Variants in LMO1 observed in about 807,000 individuals in gnomAD.
LMO1 encodes the protein LIM domain only 1.
LMO1 carries 10 observed loss-of-function variants against 18.0 expected under a neutral mutation model. The ratio of observed to expected loss-of-function variants is 0.55; its 90% confidence interval spans 0.34 to 0.94. The LOEUF (loss-of-function observed/expected upper bound fraction) is 0.94, where lower values mean the gene tolerates loss of function less well. Among genes scored for constraint, LMO1 ranks in the 40% least tolerant of loss-of-function variants. The pLI is 0.02. For synonymous variants in LMO1, 77 were observed against 77.9 expected, an observed-to-expected ratio of 0.99 and a Z score of 0.06; for missense variants, 183 against 205.7, an observed-to-expected ratio of 0.89 and a Z score of 0.68.
chr11:8,253,008 C>T (rs1237069301), intron 1 of LMO1, among the ~76,000 whole-genome samples: 1 of 152,248 alleles, frequency 6.6e-6, no homozygotes, highest in Non-Finnish European at 1.5e-5. Flanking sequence ...AGAGGGGGCC[C>T]TGCAGACAGC....
chr11:8,252,484 T>G (rs1847018512), intron 1 of LMO1, among the ~76,000 whole-genome samples: 2 of 152,228 alleles, frequency 1.3e-5, no homozygotes, highest in Non-Finnish European at 2.9e-5. Context: ...CTGCCCCACT[T>G]CCTTGAGTGT....
At chr11:8,262,440 G>C (rs570904238) in intron 1 of LMO1, among the ~76,000 whole-genome samples, 2 of 152,178 alleles carry the variant, frequency 1.3e-5, no homozygotes, top group Admixed American at 6.5e-5. Context: ...CCCCAAGGGG[G>C]CTGGGATCCC....
At chr11:8,264,215 T>C (rs1163999193), upstream of LMO1, among the ~76,000 whole-genome samples, 1 of 92,350 alleles carries the variant, frequency 1.1e-5, no homozygotes, top group Non-Finnish European at 2.2e-5. Flanking sequence ...GTTAACCCTC[T>C]TCAGGGCACA....
intron 1 of LMO1, among the ~76,000 whole-genome samples, chr11:8,244,756 CA>C (rs1394516267): frequency 6.6e-6 from 1 of 152,242 alleles, no homozygotes; most frequent in Admixed American, 6.5e-5. Flanking sequence ...AGGCTGTCCA[CA>C]AACTCCCAAC....
At chr11:8,230,870 A>G (rs1952646083) in intron 1 of LMO1, among the ~76,000 whole-genome samples, 1 of 152,162 alleles carries the variant, frequency 6.6e-6, no homozygotes, top group Admixed American at 6.5e-5. Flanking sequence ...CCACCATCAC[A>G]TTGGCTCTTT....
At chr11:8,236,132 G>A (rs1269531035) in intron 1 of LMO1, among the ~76,000 whole-genome samples, 1 of 152,084 alleles carries the variant, frequency 6.6e-6, no homozygotes, top group Non-Finnish European at 1.5e-5. Context: ...CTCAGAGGGT[G>A]ACAGCTCCAG....
At chr11:8,254,699 C>T (rs1291008840) in intron 1 of LMO1, among the ~76,000 whole-genome samples, 1 of 151,586 alleles carries the variant, frequency 6.6e-6, no homozygotes, top group Non-Finnish European at 1.5e-5. Flanking sequence ...CAACCTTCCT[C>T]CCTCCCCAAG....
At chr11:8,258,477 T>C (rs193170583) in intron 1 of LMO1, among the ~76,000 whole-genome samples, 215 of 152,336 alleles carry the variant, frequency 1.4e-3, no homozygotes, top group African/African-American at 5.0e-3. Context: ...AGCTTCGCCC[T>C]GGGCCATGGC....
At chr11:8,245,791 A>G (rs1234465297) in intron 1 of LMO1, among the ~76,000 whole-genome samples, 1 of 152,232 alleles carries the variant, frequency 6.6e-6, no homozygotes, top group African/African-American at 2.4e-5. Context: ...CTATAAAGAC[A>G]TAGCTGAGGC....
rs73415207 is a variant in LMO1 at position 8,228,180 on chromosome 11, C to A, written c.240-1080G>T. ...ATGCCTCTTTGAGGCAGGCACCCCT[C>A]CTCTTAGCTGCTGGCTGTAAAGCTC... On this transcript the variant is annotated intron_variant, in intron 2 of 3. Transcript: ENST00000335790. Among the ~76,000 whole-genome samples the A allele has an allele frequency of 2.2e-3, 339 of 152,358 alleles. 1 individual carries two copies. The highest frequency in any genetic ancestry group is 7.9e-3 in the African/African-American group (328 of 41,584).
intron 1 of LMO1, among the ~76,000 whole-genome samples, chr11:8,242,226 A>G (rs993165688): frequency 1.3e-5 from 2 of 151,878 alleles, no homozygotes; most frequent in Non-Finnish European, 2.9e-5. Flanking sequence ...GCAAATATAA[A>G]CCCTTTATCC....
At chr11:8,229,139 C>T (rs1373606495) in intron 2 of LMO1, among the ~76,000 whole-genome samples, 3 of 151,996 alleles carry the variant, frequency 2.0e-5, no homozygotes, top group Non-Finnish European at 2.9e-5. Flanking sequence ...GTGCCTGCCT[C>T]GGCCTCCCAA....
chr11:8,230,467 C>G lies in LMO1; in HGVS notation c.63G>C (p.Gln21His). ...PMLSVQPKGKQKGCAGCNRKI... is the reference protein window; with the variant it reads ...PMLSVQPKGKHKGCAGCNRKI... ...TGCGGTTACAGCCCGCACAGCCCTT[C>G]TGCTTCCCTTTGGGCTGGACGGAGA... The change falls in exon 2 of 4, where the codon CAG (glutamine) becomes CAC (histidine). Residue 21 changes from glutamine to histidine, a missense_variant. Coordinates refer to ENST00000335790, the MANE Select transcript of LMO1 (RefSeq NM_002315.3). The G allele has an allele frequency of 6.2e-7, 1 of 1,613,762 alleles. No individual in the cohort carries two copies. The highest frequency in any genetic ancestry group is 8.5e-7 in the Non-Finnish European group (1 of 1,179,900).
At chr11:8,232,063 G>A (rs1952671932) in intron 1 of LMO1, among the ~76,000 whole-genome samples, 1 of 152,134 alleles carries the variant, frequency 6.6e-6, no homozygotes, top group Admixed American at 6.5e-5. Context: ...CCTCTCCTGT[G>A]CTCGCTCTCA....
At chr11:8,227,822 TAC>T (rs1156244360) in intron 2 of LMO1, among the ~76,000 whole-genome samples, 1 of 152,152 alleles carries the variant, frequency 6.6e-6, no homozygotes, top group Non-Finnish European at 1.5e-5. Flanking sequence ...CCTTTAACAT[TAC>T]AGTGTTTATT....
Position 8,224,642 on chromosome 11 carries a change from C to T in LMO1, c.445G>A (p.Gly149Ser), listed in dbSNP as rs771289973. The T allele has an allele frequency of 3.7e-6, 6 of 1,608,856 alleles. No homozygotes were observed. In the South Asian group the frequency reaches 6.7e-5, roughly 18 times the overall value. Residue 149 changes from glycine (G) to serine (S), a missense_variant, in exon 4 of 4, where the codon GGC (glycine) becomes AGC (serine). By Grantham distance (56) the Gly-to-Ser change is moderately conservative. Coordinates refer to ENST00000335790, the MANE Select transcript of LMO1 (RefSeq NM_002315.3). ...TACTGAACTTGGGATTCAAAGGTGCCATTGAGCTGCCCTTCCTCATAGTCC... is the reference window on the plus strand; with the variant it reads ...TACTGAACTTGGGATTCAAAGGTGCTATTGAGCTGCCCTTCCTCATAGTCC... The part of the protein sequence containing the change: ...QMDYEEGQLN[G>S]TFESQVQ
At chr11:8,257,581 G>C (rs922269721) in intron 1 of LMO1, among the ~76,000 whole-genome samples, 1 of 152,240 alleles carries the variant, frequency 6.6e-6, no homozygotes, top group Non-Finnish European at 1.5e-5. Context: ...AGGGCAGAAG[G>C]CATGGCAAAA....
intron 1 of LMO1, among the ~76,000 whole-genome samples, chr11:8,231,287 G>A (rs34975053): frequency 9.9e-5 from 15 of 152,210 alleles, no homozygotes; most frequent in Non-Finnish European, 1.9e-4. Flanking sequence ...CAGGCACCAA[G>A]TACAAAGGGC....
At chr11:8,243,483 C>T (rs1846833650) in intron 1 of LMO1, among the ~76,000 whole-genome samples, 1 of 152,162 alleles carries the variant, frequency 6.6e-6, no homozygotes. Flanking sequence ...GCAGTGCAGC[C>T]CCTGTGAAGT....
Sources: gnomAD v4.1 joint callset for allele counts (sites outside exome capture counted in the v4.1 genomes callset) on GRCh38, gnomAD v4.1.1 for gene constraint, MANE v1.5 for transcripts, NCBI Gene and HGNC (gene_info 2026-07-23, HGNC 2026-07-21) for gene names.